HYDIN: variants seen among roughly 807,000 people sequenced by gnomAD.
HYDIN encodes HYDIN axonemal central pair apparatus protein, also known as axonemal central pair apparatus protein HYDIN.
A neutral mutation model predicts 403.9 loss-of-function variants in HYDIN; 132 were observed. The ratio of observed to expected loss-of-function variants is 0.33; its 90% CI spans 0.28 to 0.38. The LOEUF is 0.38. HYDIN is among the 10% of genes least tolerant of loss of function. The pLI is 1.00. For missense variants in HYDIN, 2,827 were observed against 5,009.5 expected (o/e 0.56, Z 13.15); for synonymous variants, 1,202 against 1,891.7 (o/e 0.64, Z 9.46).
intron 85 of HYDIN, among the ~76,000 whole-genome samples, chr16:70,808,742 T>C (rs747854151): frequency 6.6e-6 from 1 of 152,256 alleles, no homozygotes; most frequent in Admixed American, 6.5e-5. Flanking sequence ...TACCTGGGCA[T>C]GTGACTGCCC....
intron 57 of HYDIN, among the ~76,000 whole-genome samples, chr16:70,890,396 G>A (rs1011245517): frequency 6.6e-6 from 1 of 152,028 alleles, no homozygotes; most frequent in African/African-American, 2.4e-5. Context: ...AAGCAAAACA[G>A]AATTAAGTCA....
intron 1 of HYDIN, among the ~76,000 whole-genome samples, chr16:71,191,600 G>T (rs1302842893): frequency 6.6e-6 from 1 of 152,124 alleles, no homozygotes; most frequent in African/African-American, 2.4e-5. Context: ...CAGCAGCCTA[G>T]ACTCACAACC....
At chr16:71,204,965 C>T (rs2088216663) in intron 1 of HYDIN, among the ~76,000 whole-genome samples, 1 of 152,132 alleles carries the variant, frequency 6.6e-6, no homozygotes, top group South Asian at 2.1e-4. Flanking sequence ...AAAGAGCTGT[C>T]AAGATAGTAA....
intron 7 of HYDIN, among the ~76,000 whole-genome samples, chr16:71,150,385 G>T (rs914855642): frequency 6.7e-6 from 1 of 150,160 alleles, no homozygotes; most frequent in Non-Finnish European, 1.5e-5. Context: ...CAGAGGAAAA[G>T]AAATGGAAAA....
In HYDIN at chr16:71,109,392, A is replaced by G. The variant is rs575590788; in HGVS notation, c.1327+6304T>C. Among the ~76,000 whole-genome samples, 97 of 134,732 alleles carry G rather than the reference A, an allele frequency of 7.2e-4. 12 individuals carry two copies. The highest frequency in any genetic ancestry group is 2.9e-3 in the African/African-American group (73 of 24,966). 88.4% of individuals were successfully genotyped at this position (134,732 alleles called of 152,430 possible). On this transcript the variant is annotated intron_variant, in intron 10 of 85. Transcript: ENST00000393567. Reference sequence around the variant, plus strand: ...GTCGTTTACGCAAAACGACATGAGGAGGAAAGAATTATTTATACGTATTTG... The same window carrying G: ...GTCGTTTACGCAAAACGACATGAGGGGGAAAGAATTATTTATACGTATTTG...
rs1294614892 is a variant in HYDIN at position 70,879,303 on chromosome 16, A to G, written c.10551T>C (p.Pro3517=). 1 of 1,210,292 alleles carries G rather than the reference A, an allele frequency of 8.3e-7. No individual in the cohort carries two copies. Among genetic ancestry groups the G allele is most frequent in the Non-Finnish European group, 1.2e-6 (1 of 849,618 alleles). The allele number at this position is 1,210,292 out of a possible 1,614,324, so 75.0% of individuals were successfully genotyped here. A position where few individuals can be genotyped will look rare whatever the true frequency, so the allele number is the denominator to read the frequency against. The change falls in exon 62 of 86, where the codon CCT becomes CCC. Residue 3517 remains proline, a synonymous_variant. Transcript: ENST00000393567. ...CTTCACCCTCGAGTATTACCTGGGCAGGGAGGACACCATTGTTCTTGAGGA... is the reference window on the plus strand; with the variant it reads ...CTTCACCCTCGAGTATTACCTGGGCGGGGAGGACACCATTGTTCTTGAGGA... ...PLILKNNGVL[P]AQLHVDLQDE... is the part of the protein sequence containing the mutation.
chr16:71,100,510 T>G (rs1272533829), intron 10 of HYDIN, among the ~76,000 whole-genome samples: 1 of 152,146 alleles, frequency 6.6e-6, no homozygotes, highest in African/African-American at 2.4e-5. Context: ...GGAAAGCTAC[T>G]GTAATTAACA....
chr16:71,211,570 A>G (rs570200746), intron 1 of HYDIN, among the ~76,000 whole-genome samples: 1 of 148,346 alleles, frequency 6.7e-6, no homozygotes, highest in Non-Finnish European at 1.5e-5. Flanking sequence ...TGAACCCGGG[A>G]GGCGGAGTTT....
At chr16:71,043,999 A>G (rs554742775) in intron 18 of HYDIN, among the ~76,000 whole-genome samples, 1 of 152,062 alleles carries the variant, frequency 6.6e-6, no homozygotes, top group South Asian at 2.1e-4. Flanking sequence ...AAAAAGAGAG[A>G]GAAAGAAAGA....
At position 71,175,718 on chromosome 16, in the gene HYDIN, C is replaced by T; in HGVS notation, c.405G>A (p.Val135=). The T allele has an allele frequency of 6.2e-7, 1 of 1,614,178 alleles. No individual in the cohort carries two copies. The highest frequency in any genetic ancestry group is 8.5e-7 in the Non-Finnish European group (1 of 1,180,014). ...CTTTAAAGTAAGGCGAACTTTCTTC[C>T]ACAACTTTCACCAACCTTGGAATCT... is the stretch of plus-strand genomic sequence containing the variant. ...NDKIPRLVKV[V]EESSPYFKVI... Residue 135 remains valine, a synonymous_variant, in exon 5 of 86, where the codon GTG becomes GTA. Coordinates refer to ENST00000393567, the MANE Select transcript of HYDIN (RefSeq NM_001270974.2).
chr16:71,094,078 A>T (rs1342798914), intron 10 of HYDIN, 143 bp from the exon 11 acceptor site: 4 of 623,106 alleles, frequency 6.4e-6, no homozygotes, highest in Non-Finnish European at 1.0e-5. Flanking sequence ...AATTTAACTA[A>T]CGCTGAAGAT....
intron 45 of HYDIN, among the ~76,000 whole-genome samples, chr16:70,933,313 G>A (rs1453831220): frequency 6.6e-6 from 1 of 151,582 alleles, no homozygotes; most frequent in Non-Finnish European, 1.5e-5. Flanking sequence ...TTGGGCCTGG[G>A]AGCTGAAAGA....
chr16:71,056,812 A>G (rs1383709405), intron 18 of HYDIN, among the ~76,000 whole-genome samples: 1 of 149,934 alleles, frequency 6.7e-6, no homozygotes, highest in Non-Finnish European at 1.5e-5. Context: ...GTAAGAATGC[A>G]TTTGAAGGTT....
intron 25 of HYDIN, among the ~76,000 whole-genome samples, chr16:70,989,384 A>G (rs1238690648): frequency 6.6e-6 from 1 of 152,256 alleles, no homozygotes; most frequent in African/African-American, 2.4e-5. Context: ...CAGAAAAAGA[A>G]GAATTAATAT....
intron 84 of HYDIN, among the ~76,000 whole-genome samples, chr16:70,817,707 C>T (rs1204948666): frequency 6.6e-6 from 1 of 152,176 alleles, no homozygotes; most frequent in African/African-American, 2.4e-5. Flanking sequence ...TTTTCCTTTT[C>T]ACCACACCTA....
chr16:71,041,830 CAACTT>C (rs1207992329), intron 18 of HYDIN, among the ~76,000 whole-genome samples: 6 of 152,058 alleles, frequency 3.9e-5, no homozygotes, highest in Middle Eastern at 3.4e-3. Context: ...ATAAATAACT[CAACTT>C]AAAAGGATAT....
At chr16:71,209,568 T>G (rs1171733894) in intron 1 of HYDIN, among the ~76,000 whole-genome samples, 1 of 151,802 alleles carries the variant, frequency 6.6e-6, no homozygotes, top group African/African-American at 2.4e-5. Flanking sequence ...ATAAAAGGCA[T>G]CAAAATAGGA....
At chr16:71,033,671 A>T (rs2080993235) in intron 18 of HYDIN, among the ~76,000 whole-genome samples, 1 of 152,202 alleles carries the variant, frequency 6.6e-6, no homozygotes, top group Admixed American at 6.5e-5. Flanking sequence ...AAAATAGGTA[A>T]TGCATGCTGG....
chr16:71,063,275 A>T (rs1402242722), intron 16 of HYDIN, among the ~76,000 whole-genome samples: 7 of 152,228 alleles, frequency 4.6e-5, no homozygotes, highest in Non-Finnish European at 1.0e-4. Context: ...GGTCTGGCCT[A>T]ACATGGCCCA....
Sources: gnomAD v4.1 joint callset for allele counts (sites outside exome capture counted in the v4.1 genomes callset) on GRCh38, gnomAD v4.1.1 for gene constraint, MANE v1.5 for transcripts, NCBI Gene and HGNC (gene_info 2026-07-23, HGNC 2026-07-21) for gene names.